Variants in SFI1 observed in about 807,000 individuals in gnomAD.
SFI1 encodes protein SFI1 homolog.
Under a neutral mutation model 207.5 loss-of-function variants are expected in SFI1, and 195 were observed. The ratio of observed to expected loss-of-function variants is 0.94; its 90% CI spans 0.84 to 1.06. The LOEUF is 1.06. SFI1 is among the 50% of genes least tolerant of loss of function. The probability of loss-of-function intolerance (pLI) is 0.00; values close to 1 mark genes in which losing one functional copy is unlikely to be tolerated. For synonymous variants in SFI1, 630 were observed against 598.9 expected, an observed-to-expected ratio of 1.05 and a Z score of -0.76; for missense variants, 1,634 against 1,588.0, an observed-to-expected ratio of 1.03 and a Z score of -0.49.
chr22:31,562,117 C>T (rs2061773298), intron 8 of SFI1, among the ~76,000 whole-genome samples: 1 of 152,206 alleles, frequency 6.6e-6, no homozygotes, highest in Admixed American at 6.6e-5. Context: ...AACTGGCTCA[C>T]AGGCCAAATT....
At chr22:31,595,287 C>T (rs1057111975) in intron 15 of SFI1, among the ~76,000 whole-genome samples, 7 of 152,220 alleles carry the variant, frequency 4.6e-5, no homozygotes, top group Non-Finnish European at 8.8e-5. Flanking sequence ...TGAGCCACCA[C>T]GCCCAGCCTG....
intron 3 of SFI1, 137 bp downstream of exon 3, chr22:31,529,000 TC>T: frequency 1.2e-6 from 1 of 833,894 alleles, no homozygotes; most frequent in Non-Finnish European, 1.8e-6. Context: ...AGTAGAATGT[TC>T]AGATGAAAAG....
intron 20 of SFI1, chr22:31,605,876 T>G (rs1435820968): frequency 1.3e-5 from 2 of 156,452 alleles, no homozygotes; most frequent in Non-Finnish European, 2.8e-5. Context: ...AATAAATGCC[T>G]CCATCCCTCA....
chr22:31,556,308 T>A (rs2061161993), intron 6 of SFI1, among the ~76,000 whole-genome samples: 1 of 151,352 alleles, frequency 6.6e-6, no homozygotes, highest in Non-Finnish European at 1.5e-5. Context: ...CTGCAACCTC[T>A]CCCTCCCAGG....
chr22:31,533,511 C>T (rs1412278100), intron 4 of SFI1, among the ~76,000 whole-genome samples: 4 of 152,014 alleles, frequency 2.6e-5, no homozygotes, highest in South Asian at 4.1e-4. Flanking sequence ...GCCTGAGCAA[C>T]AGAGAATCTG....
chr22:31,593,339 G>A (rs1166805620), intron 15 of SFI1, among the ~76,000 whole-genome samples: 3 of 136,242 alleles, frequency 2.2e-5, no homozygotes, highest in Non-Finnish European at 3.2e-5. Flanking sequence ...GGGCAGAGGC[G>A]CTCCTCACAT....
At chr22:31,542,410 C>G (rs1197946698) in intron 4 of SFI1, among the ~76,000 whole-genome samples, 1 of 151,230 alleles carries the variant, frequency 6.6e-6, no homozygotes, top group East Asian at 2.0e-4. Flanking sequence ...GGCGGATCAC[C>G]TGAGGTCAGG....
chr22:31,559,646 G>A lies in SFI1; in HGVS notation c.663-1644G>A, dbSNP rs1429066241. ...AGCTGACGTTGACCTCACCAAGTGG[G>A]CAGGAGAACTCACTGAGGATGAGAT... On this transcript the variant is annotated intron_variant, in intron 7 of 32. Coordinates refer to ENST00000400288, the MANE Select transcript of SFI1 (RefSeq NM_001007467.3). 4 of 723,440 alleles carry A rather than the reference G, an allele frequency of 5.5e-6. No homozygotes were observed. The African/African-American group carries it at 6.9e-5, about 13-fold the overall frequency. 44.8% of individuals were successfully genotyped at this position (723,440 alleles called of 1,614,324 possible). A position where few individuals can be genotyped will look rare whatever the true frequency, so the allele number is the denominator to read the frequency against.
intron 12 of SFI1, among the ~76,000 whole-genome samples, chr22:31,582,631 G>A (rs1301051786): frequency 6.6e-6 from 1 of 152,048 alleles, no homozygotes; most frequent in Non-Finnish European, 1.5e-5. Context: ...ACAGTTCAGT[G>A]ACATGTACAT....
At position 31,575,085 on chromosome 22, in the gene SFI1, C is replaced by CGT. The variant is rs71679890; in HGVS notation, c.923-110_923-109dup. The CGT allele has an allele frequency of 1.9e-3, 532 of 285,572 alleles. 3 individuals are homozygous for CGT. Among genetic ancestry groups the CGT allele is most frequent in the African/African-American group, 8.2e-3 (336 of 41,054 alleles). The allele number at this position is 285,572 out of a possible 1,614,324, so 17.7% of individuals were successfully genotyped here. The stretch of plus-strand genomic sequence containing the variant: ...AAGAAAAAAAAAAAAAAACTTAGTG[C>CGT]GTGTGTGTGTGTGTGTGTGTGTGTG... On this transcript the variant is annotated intron_variant, in intron 9 of 32. Coordinates refer to ENST00000400288, the MANE Select transcript of SFI1 (RefSeq NM_001007467.3).
rs185041352 is a variant in SFI1 at position 31,532,519 on chromosome 22, C to T, written c.338+1390C>T. ...TAAAAACTGAAATGTCTTGGGTTCCCTCCTGCTCCCCTCTTCCCCTTTTCT... is the reference window on the plus strand; with the variant it reads ...TAAAAACTGAAATGTCTTGGGTTCCTTCCTGCTCCCCTCTTCCCCTTTTCT... On this transcript the variant is annotated intron_variant, in intron 4 of 32. Transcript: ENST00000400288. 7.9e-5 allele frequency among the ~76,000 whole-genome samples: 12 copies of T among 152,272 alleles called. No homozygotes were observed. The East Asian group carries it at 2.3e-3, about 29-fold the overall frequency.
chr22:31,568,556 A>AAG (rs2062635401), intron 8 of SFI1, among the ~76,000 whole-genome samples: 1 of 148,956 alleles, frequency 6.7e-6, no homozygotes, highest in Non-Finnish European at 1.5e-5. Context: ...AAAAAAAAAA[A>AAG]GCATTAGAAG....
At chr22:31,566,969 G>T (rs1437416448) in intron 8 of SFI1, among the ~76,000 whole-genome samples, 1 of 151,906 alleles carries the variant, frequency 6.6e-6, no homozygotes, top group Non-Finnish European at 1.5e-5. Flanking sequence ...GCAGTGGTGC[G>T]ATCTCGGCTC....
In SFI1 at chr22:31,576,817, T is replaced by G. The variant is rs763924438; in HGVS notation, c.1084+1425T>G. On this transcript the variant is annotated intron_variant, in intron 10 of 32. Transcript: ENST00000400288. ...ACCATGTCCGGCTAATTTTTTTGTA[T>G]TTTTAGTAGAGACAGGGTTTCTCCA... Among the ~76,000 whole-genome samples the G allele has an allele frequency of 4.6e-5, 7 of 151,674 alleles. No homozygotes were observed. The South Asian group carries it at 1.5e-3, about 32-fold the overall frequency.
chr22:31,548,830 T>TA (rs1409750656), intron 5 of SFI1, among the ~76,000 whole-genome samples: 2 of 151,844 alleles, frequency 1.3e-5, no homozygotes, highest in African/African-American at 4.8e-5. Context: ...AATTCTTTTT[T>TA]AAATGAATGT....
At chr22:31,531,893 C>CA (rs747573343) in intron 4 of SFI1, among the ~76,000 whole-genome samples, 7,823 of 111,664 alleles carry the variant, frequency 0.07, 292 homozygotes, top group African/African-American at 0.12. Context: ...AAGTCCCTCT[C>CA]AAAAAAAAAA....
chr22:31,523,643 G>C (rs1255676933), intron 2 of SFI1, among the ~76,000 whole-genome samples: 1 of 152,020 alleles, frequency 6.6e-6, no homozygotes, highest in Non-Finnish European at 1.5e-5. Context: ...ACTGAGGGTA[G>C]GAAAAATCAA....
chr22:31,511,160 T>A (rs1170538465), intron 2 of SFI1, among the ~76,000 whole-genome samples: 2 of 152,158 alleles, frequency 1.3e-5, no homozygotes, highest in Non-Finnish European at 2.9e-5. Context: ...GCCATCTTTG[T>A]GCTTCAAAAT....
At chr22:31,549,196 A>G (rs2060386714) in intron 5 of SFI1, among the ~76,000 whole-genome samples, 1 of 143,922 alleles carries the variant, frequency 6.9e-6, no homozygotes, top group Non-Finnish European at 1.5e-5. Context: ...CCAAGGTGGG[A>G]GGAGTACCTG....
Sources: allele counts gnomAD v4.1 joint callset (sites outside exome capture counted in the v4.1 genomes callset), GRCh38; gene constraint gnomAD v4.1.1; transcripts MANE v1.5; gene names NCBI Gene and HGNC (gene_info 2026-07-23, HGNC 2026-07-21).